Variants in FAM161B observed in about 807,000 individuals in gnomAD.
The protein encoded by FAM161B is protein FAM161B.
A neutral mutation model predicts 61.5 loss-of-function variants in FAM161B; 46 were observed. That is an observed-to-expected ratio of 0.75 (90% CI 0.59 to 0.96). The LOEUF is 0.96. Among genes scored for constraint, FAM161B ranks in the 40% least tolerant of loss-of-function variants. The probability of loss-of-function intolerance (pLI) is 0.00; values close to 1 mark genes in which losing one functional copy is unlikely to be tolerated. For synonymous variants in FAM161B, 284 were observed against 302.7 expected (o/e 0.94, Z 0.64); for missense variants, 774 against 800.7 (o/e 0.97, Z 0.40).
intron 2 of FAM161B, among the ~76,000 whole-genome samples, chr14:73,945,263 C>T (rs1304729408): frequency 6.6e-6 from 1 of 152,086 alleles, no homozygotes; most frequent in Admixed American, 6.5e-5. Flanking sequence ...GTCTACTTAC[C>T]AGGTTATTGG....
chr14:73,932,088 G>A (rs1594773367), downstream of FAM161B: 7 of 453,528 alleles, frequency 1.5e-5, no homozygotes, highest in Admixed American at 1.7e-4. Flanking sequence ...TAAATTACTT[G>A]AATCTCCCCT....
At position 73,942,514 on chromosome 14, in the gene FAM161B, T is replaced by C; in HGVS notation, c.1127A>G (p.Glu376Gly). The change falls in exon 4 of 9, where the codon GAG (glutamate) becomes GGG (glycine). Residue 376 changes from glutamate to glycine, a missense_variant. Glu to Gly is a moderately conservative substitution (Grantham distance 98). Coordinates refer to ENST00000286544, the MANE Select transcript of FAM161B (RefSeq NM_152445.3). ...TCTCTGGAAGGCCTTGTAAAGGCCCTCATAGTCAGGGACCACAGGATTCAC... is the reference window on the plus strand; with the variant it reads ...TCTCTGGAAGGCCTTGTAAAGGCCCCCATAGTCAGGGACCACAGGATTCAC... ...PRVNPVVPDY[E>G]GLYKAFQRRA... 3 of 1,614,220 alleles carry C rather than the reference T, an allele frequency of 1.9e-6. No homozygotes were observed. The highest frequency in any genetic ancestry group is 2.5e-6 in the Non-Finnish European group (3 of 1,180,044).
intron 3 of FAM161B, among the ~76,000 whole-genome samples, chr14:73,944,026 C>T (rs1371623037): frequency 2.0e-5 from 3 of 152,218 alleles, no homozygotes; most frequent in Admixed American, 2.0e-4. Context: ...AGCTGGTCCT[C>T]AGGTGTCTCA....
chr14:73,946,195 T>C, intron 2 of FAM161B, 91 bp downstream of exon 2: 2 of 1,371,828 alleles, frequency 1.5e-6, no homozygotes, highest in Non-Finnish European at 9.9e-7. Flanking sequence ...AGAAGTGCTC[T>C]TTGCTTTACA....
chr14:73,935,995 T>A lies in FAM161B; in HGVS notation c.1759A>T (p.Thr587Ser). The change falls in exon 8 of 9, where the codon ACC (threonine) becomes TCC (serine). Residue 587 changes from threonine to serine, a missense_variant. Coordinates refer to ENST00000286544, the MANE Select transcript of FAM161B (RefSeq NM_152445.3). ...GTCTCTTTCTCTTGAACAGCCCGGG[T>A]GCCTTGACCCTTGTTTCTCACAAAG... ...EDFVRNKGQG[T>S]RAVQEKETKI... The A allele has an allele frequency of 1.2e-6, 2 of 1,613,568 alleles. No individual in the cohort carries two copies. Among genetic ancestry groups the A allele is most frequent in the Non-Finnish European group, 1.7e-6 (2 of 1,179,682 alleles).
chr14:73,923,610 C>T, the FAM161B span: 1 of 1,496,642 alleles, frequency 6.7e-7, no homozygotes, highest in Non-Finnish European at 9.0e-7. Context: ...TCTCCAGTTT[C>T]CATTTCCTGG....
intron 5 of FAM161B, among the ~76,000 whole-genome samples, chr14:73,939,334 A>G (rs967148860): frequency 1.3e-5 from 2 of 152,180 alleles, no homozygotes; most frequent in Non-Finnish European, 2.9e-5. Context: ...TAAACAGTCC[A>G]ACATTCAATA....
At chr14:73,932,111 A>G (rs577220326), downstream of FAM161B, 166 of 447,472 alleles carry the variant, frequency 3.7e-4, no homozygotes, top group South Asian at 8.5e-4. Context: ...GCCCAGGCTG[A>G]GGTACTATCT....
At position 73,944,305 on chromosome 14, in the gene FAM161B, G is replaced by A. The variant is rs762070189; in HGVS notation, c.925+30C>T. On this transcript the variant is annotated intron_variant, in intron 3 of 8. Transcript: ENST00000286544. ...TGGTGGGATTGGTTCCCCGAGGCAGGAGGCAGCAAGGTGGCAAGGATGTCT... is the reference window on the plus strand; with the variant it reads ...TGGTGGGATTGGTTCCCCGAGGCAGAAGGCAGCAAGGTGGCAAGGATGTCT... 12 of 1,542,696 alleles carry A rather than the reference G, an allele frequency of 7.8e-6. No homozygotes were observed. In the Admixed American group the frequency reaches 2.1e-4, roughly 28 times the overall value.
At chr14:73,937,759 C>T (rs1330834974) in intron 6 of FAM161B, 58 bp from the exon 7 acceptor site, 7 of 1,585,254 alleles carry the variant, frequency 4.4e-6, no homozygotes, top group Non-Finnish European at 6.0e-6. Context: ...GAATACCCTT[C>T]ATTTCCAGTA....
intron 3 of FAM161B, among the ~76,000 whole-genome samples, chr14:73,943,525 C>G (rs1407828735): frequency 6.6e-6 from 1 of 152,176 alleles, no homozygotes; most frequent in Non-Finnish European, 1.5e-5. Flanking sequence ...CTTCTCTCAG[C>G]CCTCGACCTT....
chr14:73,937,543 A>T (rs909355907), intron 7 of FAM161B, 59 bp downstream of exon 7: 124 of 1,506,638 alleles, frequency 8.2e-5, no homozygotes, highest in Admixed American at 1.3e-4. Flanking sequence ...ATTGTTTTGT[A>T]ATTTTTCAGA....
chr14:73,923,485 A>AT, the FAM161B span: 1 of 1,613,812 alleles, frequency 6.2e-7, no homozygotes, highest in South Asian at 1.1e-5. Context: ...AGGCAATCAT[A>AT]TGAAGTTTCT....
In FAM161B at chr14:73,937,614, T is replaced by C. The variant is rs762068235; in HGVS notation, c.1653A>G (p.Glu551=). 1.2e-6 allele frequency: 2 copies of C among 1,613,374 alleles called. No homozygotes were observed. The highest frequency in any genetic ancestry group is 2.2e-5 in the South Asian group (2 of 90,668). ...QRIQTRPYLF[E]QVAKDLAKKE... is the part of the protein sequence containing the mutation. ...GGTTTAGTTTTACCTTGGCAACTTG[T>C]TCAAAGAGATAGGGCCTTGTTTGTA... Residue 551 remains glutamate, a synonymous_variant, in exon 7 of 9, where the codon GAA becomes GAG. Coordinates refer to ENST00000286544, the MANE Select transcript of FAM161B (RefSeq NM_152445.3).
chr14:73,925,090 G>A, the FAM161B span, among the ~76,000 whole-genome samples: 1 of 152,194 alleles, frequency 6.6e-6, no homozygotes, highest in African/African-American at 2.4e-5. Flanking sequence ...GGGGTACCCA[G>A]GATTACAGGG....
chr14:73,927,828 G>C (rs1051776156), downstream of FAM161B: 2 of 115,374 alleles, frequency 1.7e-5, no homozygotes, highest in Non-Finnish European at 3.6e-5. Flanking sequence ...TTAATCAACC[G>C]GCAATTTTTT....
chr14:73,926,965 G>C (rs1566668086), downstream of FAM161B: 1 of 152,566 alleles, frequency 6.6e-6, no homozygotes. Context: ...TTGATCTTAA[G>C]ATTGACTGGT....
intron 3 of FAM161B, 92 bp from the exon 4 acceptor site, chr14:73,942,807 G>A: frequency 8.4e-7 from 1 of 1,185,490 alleles, no homozygotes; most frequent in Non-Finnish European, 1.2e-6. Context: ...CTAGCTGTAA[G>A]TGTTACTGGA....
At chr14:73,935,550 A>C (rs1299110938) in intron 8 of FAM161B, among the ~76,000 whole-genome samples, 2 of 130,772 alleles carry the variant, frequency 1.5e-5, no homozygotes, top group African/African-American at 6.4e-5. Flanking sequence ...ACAAAAAATA[A>C]AAAAAAAAAG....
Sources: gnomAD v4.1 joint callset for allele counts (sites outside exome capture counted in the v4.1 genomes callset) on GRCh38, gnomAD v4.1.1 for gene constraint, MANE v1.5 for transcripts, NCBI Gene and HGNC (gene_info 2026-07-23, HGNC 2026-07-21) for gene names.